The following RTN4RL1 variants were observed in gnomAD, a reference collection of about 807,000 sequenced individuals.
The protein encoded by RTN4RL1 is reticulon 4 receptor like 1, also known as reticulon-4 receptor-like 1.
Under a neutral mutation model 25.6 loss-of-function variants are expected in RTN4RL1, and 7 were observed. The observed-to-expected ratio is 0.27, with a 90% CI of 0.16 to 0.51. The LOEUF is 0.51. Ranked by LOEUF, RTN4RL1 falls within the 20% of genes least tolerant of loss-of-function variation. RTN4RL1 has a pLI of 0.97. For synonymous variants in RTN4RL1, 297 were observed against 288.2 expected, an observed-to-expected ratio of 1.03 and a Z score of -0.31; for missense variants, 500 against 615.6, an observed-to-expected ratio of 0.81 and a Z score of 1.99.
At chr17:1,986,798 G>A (rs1009509821) in intron 1 of RTN4RL1, among the ~76,000 whole-genome samples, 7 of 151,376 alleles carry the variant, frequency 4.6e-5, no homozygotes, top group Non-Finnish European at 5.9e-5. Flanking sequence ...AGTCAGGTCC[G>A]GCAGGCTGAC....
At chr17:2,004,684 G>T (rs1225962835) in intron 1 of RTN4RL1, among the ~76,000 whole-genome samples, 2 of 152,216 alleles carry the variant, frequency 1.3e-5, no homozygotes, top group Non-Finnish European at 2.9e-5. Flanking sequence ...GGGCAGAGAG[G>T]GCAGAGGGTT....
intron 1 of RTN4RL1, among the ~76,000 whole-genome samples, chr17:2,004,195 C>T (rs1464634760): frequency 1.3e-5 from 2 of 150,620 alleles, no homozygotes; most frequent in African/African-American, 2.4e-5. Context: ...GGTGAAACCC[C>T]GTCTCTACTA....
chr17:2,021,707 AG>A (rs1216578386), intron 1 of RTN4RL1, among the ~76,000 whole-genome samples: 9 of 151,998 alleles, frequency 5.9e-5, no homozygotes, highest in African/African-American at 1.7e-4. Flanking sequence ...GGCATGAACC[AG>A]CACGCCCGGC....
intron 1 of RTN4RL1, among the ~76,000 whole-genome samples, chr17:2,012,047 C>T (rs2067056609): frequency 6.6e-6 from 1 of 152,146 alleles, no homozygotes; most frequent in African/African-American, 2.4e-5. Context: ...AAAGAGGCAG[C>T]GTCTTCTCAC....
intron 1 of RTN4RL1, chr17:2,017,944 A>G (rs1230869778): frequency 6.6e-6 from 1 of 152,316 alleles, no homozygotes; most frequent in Non-Finnish European, 1.5e-5. Context: ...GCCTTGTTTC[A>G]TCTTCTTTCT....
intron 1 of RTN4RL1, among the ~76,000 whole-genome samples, chr17:1,954,692 C>T (rs1915754772): frequency 6.6e-6 from 1 of 152,122 alleles, no homozygotes; most frequent in Non-Finnish European, 1.5e-5. Context: ...CCAGCCACTC[C>T]CACTCTCTTC....
chr17:1,937,835 G>C (rs758154667), intron 1 of RTN4RL1, 27 bp from the exon 2 acceptor site: 1 of 1,529,888 alleles, frequency 6.5e-7, no homozygotes, highest in Non-Finnish European at 8.9e-7. Flanking sequence ...GCACAGCCAG[G>C]TCAGGGGCCG....
At chr17:2,023,880 C>A (rs972521642) in intron 1 of RTN4RL1, among the ~76,000 whole-genome samples, 1 of 152,192 alleles carries the variant, frequency 6.6e-6, no homozygotes, top group Non-Finnish European at 1.5e-5. Flanking sequence ...CCGGGGCAGC[C>A]AGCCGCAGGC....
chr17:2,011,743 C>T (rs1308482336), intron 1 of RTN4RL1, among the ~76,000 whole-genome samples: 2 of 152,188 alleles, frequency 1.3e-5, no homozygotes, highest in African/African-American at 4.8e-5. Context: ...GAAATACCAG[C>T]CCATCAGGGG....
rs1422932022 is a variant in RTN4RL1, at chr17:1,935,887, C to T, written c.*609G>A. 2 of 985,280 alleles carry T rather than the reference C, an allele frequency of 2.0e-6. No homozygotes were observed. Among genetic ancestry groups the T allele is most frequent in the South Asian group, 9.4e-5 (2 of 21,274 alleles). 61.0% of individuals were successfully genotyped at this position (985,280 alleles called of 1,614,324 possible). A position where few individuals can be genotyped will look rare whatever the true frequency, so the allele number is the denominator to read the frequency against. ...TTCCTTTGGTAATTGGTTCTTGGAC[C>T]CCAGCAGTTGGACCTGGGTCTGCCA... On this transcript the variant is annotated 3_prime_UTR_variant, in exon 2 of 2. Transcript: ENST00000331238.
intron 1 of RTN4RL1, among the ~76,000 whole-genome samples, chr17:2,015,870 C>T (rs1316484159): frequency 2.0e-5 from 3 of 152,166 alleles, no homozygotes; most frequent in African/African-American, 4.8e-5. Context: ...AGCGGACAGT[C>T]CTCCTTGTTA....
At chr17:2,020,348 A>G (rs1477911041) in intron 1 of RTN4RL1, 1 of 152,178 alleles carries the variant, frequency 6.6e-6, no homozygotes, top group Non-Finnish European at 1.5e-5. Flanking sequence ...CAGCTACATT[A>G]CTATAGCTCC....
chr17:2,001,055 T>C (rs1230035036), intron 1 of RTN4RL1, among the ~76,000 whole-genome samples: 1 of 15,992 alleles, frequency 6.3e-5, no homozygotes, highest in Non-Finnish European at 1.7e-4. Context: ...TTTCATTTAC[T>C]TTTTTTTTTT....
rs777751784 is a variant in RTN4RL1, at chr17:1,936,682, A to G, written c.1140T>C (p.Tyr380=). The part of the protein sequence containing the change: ...AGKQAPELPD[Y]APDYQHKFSF... ...TGAACTTGTGCTGGTAGTCTGGGGC[A>G]TAGTCTGGCAGCTCGGGGGCCTGTT... The change falls in exon 2 of 2, where the codon TAT becomes TAC. Residue 380 remains tyrosine, a synonymous_variant. Coordinates refer to ENST00000331238, the MANE Select transcript of RTN4RL1 (RefSeq NM_178568.4). 2.0e-5 allele frequency: 32 copies of G among 1,583,700 alleles called. No homozygotes were observed. Among genetic ancestry groups the G allele is most frequent in the Middle Eastern group, 3.4e-4 (2 of 5,914 alleles).
chr17:2,023,258 G>A (rs2067232491), intron 1 of RTN4RL1, among the ~76,000 whole-genome samples: 1 of 152,112 alleles, frequency 6.6e-6, no homozygotes, highest in East Asian at 1.9e-4. Flanking sequence ...GCTCAGCTCT[G>A]TAAAAAGCAC....
chr17:2,004,317 G>A (rs867816616), intron 1 of RTN4RL1, among the ~76,000 whole-genome samples: 2 of 141,614 alleles, frequency 1.4e-5, no homozygotes, highest in South Asian at 2.2e-4. Flanking sequence ...GGAGTGAGCC[G>A]AGATCGCGCC....
intron 1 of RTN4RL1, among the ~76,000 whole-genome samples, chr17:2,001,812 G>A (rs1364787191): frequency 1.3e-5 from 2 of 152,112 alleles, no homozygotes; most frequent in Non-Finnish European, 2.9e-5. Context: ...AGGACTCGAT[G>A]GGCTGCGGGA....
chr17:1,958,481 GA>G (rs1178024310), intron 1 of RTN4RL1, among the ~76,000 whole-genome samples: 1 of 152,214 alleles, frequency 6.6e-6, no homozygotes, highest in Non-Finnish European at 1.5e-5. Context: ...TGAGGCCGGG[GA>G]AATGGACAAG....
At chr17:2,020,649 A>G (rs1597259419) in intron 1 of RTN4RL1, 1 of 152,180 alleles carries the variant, frequency 6.6e-6, no homozygotes, top group Non-Finnish European at 1.5e-5. Context: ...TTAACTTATA[A>G]ATGAGTGTGT....
Sources: gnomAD v4.1 joint callset for allele counts (sites outside exome capture counted in the v4.1 genomes callset) on GRCh38, gnomAD v4.1.1 for gene constraint, MANE v1.5 for transcripts, NCBI Gene and HGNC (gene_info 2026-07-23, HGNC 2026-07-21) for gene names.